The following METTL15 variants were observed in gnomAD, a reference collection of about 807,000 sequenced individuals.
The protein encoded by METTL15 is methyltransferase 15, mitochondrial 12S rRNA N4-cytidine.
A neutral mutation model predicts 38.3 loss-of-function variants in METTL15; 34 were observed. That is an observed-to-expected ratio of 0.89 (90% CI 0.68 to 1.18). The LOEUF is 1.18. METTL15 is among the 50% of genes most tolerant of loss of function. METTL15 has a pLI of 0.00. For missense variants in METTL15, 438 were observed against 498.4 expected (o/e 0.88, Z 1.15); for synonymous variants, 162 against 170.9 (o/e 0.95, Z 0.41).
intron 4 of METTL15, among the ~76,000 whole-genome samples, chr11:28,215,472 T>C (rs1590170439): frequency 1.3e-5 from 2 of 151,550 alleles, no homozygotes; most frequent in African/African-American, 4.8e-5. Flanking sequence ...GGGAAAGAGG[T>C]GGTCAGAAGG....
chr11:28,266,552 G>T (rs1448466492), intron 4 of METTL15, among the ~76,000 whole-genome samples: 1 of 152,134 alleles, frequency 6.6e-6, no homozygotes, highest in Non-Finnish European at 1.5e-5. Flanking sequence ...CACATTTTCA[G>T]TTGCTCTGCC....
At chr11:28,524,903 G>A (rs1041023754) in intron 6 of METTL15, among the ~76,000 whole-genome samples, 3 of 152,136 alleles carry the variant, frequency 2.0e-5, no homozygotes, top group East Asian at 1.9e-4. Context: ...CGGTGTGTCC[G>A]GAGTTTGTTC....
chr11:28,209,851 A>G (rs765208993), intron 3 of METTL15, among the ~76,000 whole-genome samples: 4 of 152,018 alleles, frequency 2.6e-5, no homozygotes, highest in Admixed American at 1.3e-4. Flanking sequence ...GTTATGTACT[A>G]TGCACATGAA....
intron 1 of METTL15, among the ~76,000 whole-genome samples, chr11:28,109,159 G>T (rs954429516): frequency 1.3e-5 from 2 of 152,188 alleles, no homozygotes; most frequent in Non-Finnish European, 2.9e-5. Flanking sequence ...GGAAACCTCT[G>T]TATTATGGAC....
chr11:28,463,557 G>A (rs969349464), intron 6 of METTL15, among the ~76,000 whole-genome samples: 10 of 152,164 alleles, frequency 6.6e-5, no homozygotes, highest in Non-Finnish European at 8.8e-5. Flanking sequence ...ACAAAGTTTC[G>A]AAGATTGAAG....
intron 4 of METTL15, among the ~76,000 whole-genome samples, chr11:28,212,298 C>T (rs893919904): frequency 1.3e-5 from 2 of 151,850 alleles, no homozygotes; most frequent in South Asian, 2.1e-4. Context: ...TCATTTCTTC[C>T]GAGAATAATA....
intron 5 of METTL15, among the ~76,000 whole-genome samples, chr11:28,414,396 A>G (rs973533317): frequency 6.6e-6 from 1 of 152,036 alleles, no homozygotes; most frequent in Non-Finnish European, 1.5e-5. Flanking sequence ...ACTCAATTAG[A>G]AGACAGCTTA....
chr11:28,379,214 T>C (rs974533120), intron 5 of METTL15, among the ~76,000 whole-genome samples: 35 of 152,112 alleles, frequency 2.3e-4, no homozygotes, highest in African/African-American at 8.4e-4. Context: ...TTATGTTTAA[T>C]TCTGCTTTGA....
At chr11:28,153,830 G>A (rs1850174720) in intron 3 of METTL15, among the ~76,000 whole-genome samples, 1 of 152,014 alleles carries the variant, frequency 6.6e-6, no homozygotes, top group Non-Finnish European at 1.5e-5. Context: ...TCCAGATTCT[G>A]GACAGAGGAT....
At chr11:28,148,034 A>G (rs918844202) in intron 3 of METTL15, among the ~76,000 whole-genome samples, 1 of 151,796 alleles carries the variant, frequency 6.6e-6, no homozygotes, top group South Asian at 2.1e-4. Flanking sequence ...TTCTTATCCA[A>G]CCTCATTTTA....
chr11:28,218,748 A>G (rs923645882), intron 4 of METTL15, among the ~76,000 whole-genome samples: 3 of 152,116 alleles, frequency 2.0e-5, no homozygotes, highest in Non-Finnish European at 4.4e-5. Flanking sequence ...TACCTAATTT[A>G]TTGAGAGTTT....
chr11:28,231,203 A>C (rs1449149279), intron 4 of METTL15, among the ~76,000 whole-genome samples: 1 of 151,898 alleles, frequency 6.6e-6, no homozygotes, highest in Non-Finnish European at 1.5e-5. Flanking sequence ...AAAGACAGAT[A>C]ATTAAGAAGT....
chr11:28,183,945 G>A (rs1029982280), intron 3 of METTL15, among the ~76,000 whole-genome samples: 1 of 151,960 alleles, frequency 6.6e-6, no homozygotes, highest in East Asian at 1.9e-4. Flanking sequence ...ACTTGTTATT[G>A]GTCTATTCAG....
intron 3 of METTL15, among the ~76,000 whole-genome samples, chr11:28,137,198 G>A (rs184191539): frequency 8.0e-4 from 122 of 152,210 alleles, no homozygotes; most frequent in African/African-American, 2.5e-3. Context: ...TGGAAAGACC[G>A]TATAATACCT....
intron 3 of METTL15, chr11:28,123,784 A>C: frequency 9.2e-7 from 1 of 1,083,200 alleles, no homozygotes; most frequent in Non-Finnish European, 1.3e-6. Flanking sequence ...TGTCATCTGT[A>C]ATAGGTTTCT....
Position 28,296,843 on chromosome 11 carries a change from G to A in METTL15, c.690G>A (p.Lys230=), listed in dbSNP as rs1180166805. 1.9e-6 allele frequency: 3 copies of A among 1,613,454 alleles called. No homozygotes were observed. In the African/African-American group the frequency reaches 4.0e-5, roughly 22 times the overall value. ...ASILRTYGEE[K]HAKKIASAIV... is the part of the protein sequence containing the mutation. The stretch of plus-strand genomic sequence containing the variant: ...TCCTAAGAACATACGGGGAGGAGAA[G>A]CATGCCAAGAAAATCGCTTCAGCAA... The change falls in exon 6 of 7, where the codon AAG becomes AAA. Residue 230 remains lysine, a synonymous_variant. Transcript: ENST00000407364.
intron 6 of METTL15, among the ~76,000 whole-genome samples, chr11:28,503,509 C>T (rs1851601361): frequency 6.6e-6 from 1 of 152,180 alleles, no homozygotes; most frequent in African/African-American, 2.4e-5. Context: ...GATTCAGACC[C>T]AGGCTGGGTG....
intron 6 of METTL15, among the ~76,000 whole-genome samples, chr11:28,324,499 T>C (rs1849569339): frequency 6.6e-6 from 1 of 152,186 alleles, no homozygotes; most frequent in South Asian, 2.1e-4. Context: ...TTAAGGATGT[T>C]CTCAATCATT....
chr11:28,254,963 C>T (rs1854911495), intron 4 of METTL15, among the ~76,000 whole-genome samples: 1 of 152,004 alleles, frequency 6.6e-6, no homozygotes, highest in South Asian at 2.1e-4. Context: ...TTTGTGGTTC[C>T]ATATAAATCT....
Sources: gnomAD v4.1 joint callset for allele counts (sites outside exome capture counted in the v4.1 genomes callset) on GRCh38, gnomAD v4.1.1 for gene constraint, MANE v1.5 for transcripts, NCBI Gene and HGNC (gene_info 2026-07-23, HGNC 2026-07-21) for gene names.